CCDC197: variants seen among roughly 807,000 people sequenced by gnomAD.
CCDC197 encodes uncharacterized protein CCDC197.
Under a neutral mutation model 13.4 loss-of-function variants are expected in CCDC197, and 24 were observed. The observed-to-expected ratio is 1.80, with a 90% CI of 1.30 to 2.53. The LOEUF (loss-of-function observed/expected upper bound fraction) is 2.53. Ranked by LOEUF, CCDC197 falls within the 30% of genes most tolerant of loss-of-function variation. The pLI, the probability that CCDC197 is intolerant of heterozygous loss-of-function variation, is 0.00. For synonymous variants in CCDC197, 99 were observed against 55.5 expected (o/e 1.78, Z -3.48); for missense variants, 255 against 148.8 (o/e 1.71, Z -3.71).
At chr14:93,989,425 C>T (rs1433259921) in intron 1 of CCDC197, among the ~76,000 whole-genome samples, 2 of 152,276 alleles carry the variant, frequency 1.3e-5, no homozygotes, top group East Asian at 3.9e-4. Flanking sequence ...CTCCCTAGAG[C>T]AGATGCTGCT....
chr14:94,006,031 G>C (rs1172208455), intron 6 of CCDC197, among the ~76,000 whole-genome samples: 1 of 152,130 alleles, frequency 6.6e-6, no homozygotes, highest in African/African-American at 2.4e-5. Context: ...GAGTGCAATT[G>C]CTGGGTCATC....
chr14:93,989,888 C>G (rs960517110), intron 1 of CCDC197, among the ~76,000 whole-genome samples: 11 of 152,196 alleles, frequency 7.2e-5, no homozygotes, highest in African/African-American at 2.7e-4. Flanking sequence ...TGGCAGTGTT[C>G]AGTTCCTTGC....
intron 1 of CCDC197, among the ~76,000 whole-genome samples, chr14:93,990,266 G>A (rs1311488128): frequency 6.6e-6 from 1 of 152,092 alleles, no homozygotes; most frequent in Non-Finnish European, 1.5e-5. Flanking sequence ...GAATCCTGGG[G>A]GCTTCTTAGA....
At chr14:93,996,761 T>C (rs539406084), upstream of CCDC197, among the ~76,000 whole-genome samples, 12 of 150,354 alleles carry the variant, frequency 8.0e-5, no homozygotes, top group Admixed American at 7.2e-4. Flanking sequence ...GGGGGTGGGG[T>C]GTCAGGGTGG....
At chr14:94,008,252 A>C (rs948708751) in intron 6 of CCDC197, among the ~76,000 whole-genome samples, 1 of 152,228 alleles carries the variant, frequency 6.6e-6, no homozygotes, top group Non-Finnish European at 1.5e-5. Flanking sequence ...ATGGAGGCCC[A>C]TCTGGTCCTT....
rs991939588 is a variant in CCDC197 at position 93,998,149 on chromosome 14, A to G, written c.18A>G (p.Thr6=). 16 of 780,634 alleles carry G rather than the reference A, an allele frequency of 2.0e-5. No individual in the cohort carries two copies. The Admixed American group carries it at 2.4e-4, about 12-fold the overall frequency. 48.4% of individuals were successfully genotyped at this position (780,634 alleles called of 1,614,324 possible). The change falls in exon 2 of 7, where the codon ACA becomes ACG. Residue 6 remains threonine, a synonymous_variant. Coordinates refer to ENST00000636493, the MANE Select transcript of CCDC197 (RefSeq NM_001351596.2). The part of the protein sequence containing the change: MAAMD[T]GQRADPSNPG... ...GTGAGGTGATGGCAGCCATGGACACAGGCCAGAGAGCTGACCCAAGCAATC... is the reference window on the plus strand; with the variant it reads ...GTGAGGTGATGGCAGCCATGGACACGGGCCAGAGAGCTGACCCAAGCAATC...
downstream of CCDC197, among the ~76,000 whole-genome samples, chr14:94,010,189 G>GTGTTTGTT (rs57817095): frequency 1.5e-4 from 22 of 150,984 alleles, no homozygotes; most frequent in African/African-American, 5.1e-4. Flanking sequence ...ATATTTTGGG[G>GTGTTTGTT]TGTTTGTTTG....
rs1201025123 is a variant in CCDC197, at chr14:93,989,854, T to C, written c.-107+2458T>C. On this transcript the variant is annotated intron_variant, in intron 1 of 7. Transcript: ENST00000640978. ...TATCTGGAGGCCCTGGGGAAGAATCTACATTCAAACTTACTCAGGTGGTTG... is the reference window on the plus strand; with the variant it reads ...TATCTGGAGGCCCTGGGGAAGAATCCACATTCAAACTTACTCAGGTGGTTG... 5.3e-5 allele frequency among the ~76,000 whole-genome samples: 8 copies of C among 152,164 alleles called. No homozygotes were observed. In the East Asian group the frequency reaches 1.5e-3, roughly 29 times the overall value.
chr14:94,003,049 C>A lies in CCDC197; in HGVS notation c.367-174C>A, dbSNP rs957545482. On this transcript the variant is annotated intron_variant, in intron 4 of 6. Transcript: ENST00000636493. The surrounding 1 kb of genome is among the most constrained non-coding windows in gnomAD (Gnocchi z 5.0). ...TCAGGAACTGGGGCTCAGGTAAACT[C>A]CATCAGCCTGGACACGCCCTTTTCT... Among the ~76,000 whole-genome samples the A allele has an allele frequency of 1.3e-5, 2 of 152,014 alleles. No homozygotes were observed. Among genetic ancestry groups the A allele is most frequent in the East Asian group, 3.9e-4 (2 of 5,184 alleles).
intron 4 of CCDC197, among the ~76,000 whole-genome samples, chr14:94,001,901 G>T (rs1356915663): frequency 6.6e-6 from 1 of 152,198 alleles, no homozygotes; most frequent in African/African-American, 2.4e-5. Flanking sequence ...GAGGAAGGAT[G>T]ACCAGCCGGT....
chr14:93,996,683 C>A (rs1250461153), upstream of CCDC197, among the ~76,000 whole-genome samples: 1 of 152,192 alleles, frequency 6.6e-6, no homozygotes, highest in Non-Finnish European at 1.5e-5. Context: ...CTGAGGTTGC[C>A]CAGCTCTGAG....
At chr14:93,999,135 G>GC (rs1242191545) in intron 2 of CCDC197, among the ~76,000 whole-genome samples, 1 of 152,220 alleles carries the variant, frequency 6.6e-6, no homozygotes, top group Non-Finnish European at 1.5e-5. Flanking sequence ...GGCACTGGGA[G>GC]CCCCACGCAT....
chr14:93,996,055 C>G (rs546579969), upstream of CCDC197, among the ~76,000 whole-genome samples: 18 of 152,228 alleles, frequency 1.2e-4, no homozygotes, highest in Non-Finnish European at 2.1e-4. Flanking sequence ...CTTCTCCTTT[C>G]ATTCTTATCC....
At chr14:93,988,208 G>T (rs1383747150) in intron 1 of CCDC197, among the ~76,000 whole-genome samples, 2 of 121,506 alleles carry the variant, frequency 1.6e-5, no homozygotes, top group East Asian at 2.5e-4. Context: ...AGGAGGGTAT[G>T]GGAGAGGGGA....
upstream of CCDC197, among the ~76,000 whole-genome samples, chr14:93,996,807 G>A (rs1032868176): frequency 1.3e-5 from 2 of 152,188 alleles, no homozygotes; most frequent in Non-Finnish European, 2.9e-5. Context: ...CACCTTCCCC[G>A]GTGGCACAGG....
At position 94,008,731 on chromosome 14, in the gene CCDC197, G is replaced by T. The variant is rs1157957703; in HGVS notation, c.738G>T (p.Arg246Ser). 4 of 702,840 alleles carry T rather than the reference G, an allele frequency of 5.7e-6. No homozygotes were observed. The South Asian group carries it at 5.9e-5, about 10-fold the overall frequency. The allele number at this position is 702,840 out of a possible 1,614,324, so 43.5% of individuals were successfully genotyped here. A position where few individuals can be genotyped will look rare whatever the true frequency, so the allele number is the denominator to read the frequency against. Residue 246 changes from arginine (R) to serine (S), a missense_variant, in exon 7 of 7, where the codon AGG (arginine) becomes AGT (serine). Physicochemically the swap from Arg to Ser is moderately radical, Grantham distance 110. Coordinates refer to ENST00000636493, the MANE Select transcript of CCDC197 (RefSeq NM_001351596.2). Reference sequence around the variant, plus strand: ...TCAGAAGACACCCCAAACCCTTCAGGAAATGTCCAAGGAGGCGGGTTTCCA... The same window carrying T: ...TCAGAAGACACCCCAAACCCTTCAGTAAATGTCCAAGGAGGCGGGTTTCCA... ...QWLRRHPKPF[R>S]KCPRRRVSTP...
At chr14:94,009,915 C>T (rs188540836), downstream of CCDC197, among the ~76,000 whole-genome samples, 203 of 152,308 alleles carry the variant, frequency 1.3e-3, 4 homozygotes, top group South Asian at 0.019. Context: ...AGGTCAGCTG[C>T]TGTTAATTTA....
upstream of CCDC197, among the ~76,000 whole-genome samples, chr14:93,993,003 ACGT>A (rs1379075490): frequency 3.3e-5 from 5 of 152,266 alleles, no homozygotes; most frequent in Middle Eastern, 6.8e-3. Flanking sequence ...GGGAGGAGCT[ACGT>A]CGTGCCAGGT....
At chr14:93,987,560 C>T (rs949597456) in intron 1 of CCDC197, among the ~76,000 whole-genome samples, 3 of 152,222 alleles carry the variant, frequency 2.0e-5, no homozygotes, top group African/African-American at 4.8e-5. Context: ...AATGCCCTCT[C>T]CCTTGGGCCG....
Sources: gnomAD v4.1 joint callset for allele counts (sites outside exome capture counted in the v4.1 genomes callset) on GRCh38, gnomAD v4.1.1 for gene constraint, Gnocchi (gnomAD v3.1) non-coding constraint, MANE v1.5 for transcripts, NCBI Gene and HGNC (gene_info 2026-07-23, HGNC 2026-07-21) for gene names.